The following JARID2 variants were observed in gnomAD, a reference collection of about 807,000 sequenced individuals.
The protein encoded by JARID2 is jumonji and AT-rich interaction domain containing 2, also known as protein Jumonji.
JARID2 carries 21 observed loss-of-function variants against 125.6 expected under a neutral mutation model. The observed-to-expected ratio is 0.17, with a 90% CI of 0.12 to 0.24. JARID2 has a LOEUF of 0.24. JARID2 is among the 10% of genes least tolerant of loss of function. The pLI is 1.00. For synonymous variants in JARID2, 736 were observed against 661.6 expected (o/e 1.11, Z -1.73); for missense variants, 1,303 against 1,639.6 (o/e 0.79, Z 3.55).
At chr6:15,471,468 A>G (rs993421835) in intron 5 of JARID2, among the ~76,000 whole-genome samples, 4 of 152,204 alleles carry the variant, frequency 2.6e-5, no homozygotes, top group African/African-American at 9.6e-5. Flanking sequence ...GCTGTATGAT[A>G]GAAATCTGTT....
At chr6:15,428,931 C>CA (rs1766848746) in intron 3 of JARID2, among the ~76,000 whole-genome samples, 1 of 54,266 alleles carries the variant, frequency 1.8e-5, no homozygotes, top group Non-Finnish European at 4.4e-5. Flanking sequence ...AAAAAACAAA[C>CA]CCCCCCCCCA....
intron 16 of JARID2, among the ~76,000 whole-genome samples, chr6:15,515,827 G>A (rs1176499417): frequency 3.3e-5 from 5 of 151,438 alleles, no homozygotes; most frequent in East Asian, 3.9e-4. Context: ...AGGCTGAGGC[G>A]GGCCAATCAC....
intron 1 of JARID2, among the ~76,000 whole-genome samples, chr6:15,352,378 G>A (rs967583474): frequency 7.2e-5 from 11 of 151,994 alleles, no homozygotes; most frequent in Admixed American, 5.2e-4. Flanking sequence ...TCCTGATAAC[G>A]TGCATTGTCA....
chr6:15,469,278 CTCTCTGTCTCTGTCTCTCTG>C (rs1561884316), intron 5 of JARID2, among the ~76,000 whole-genome samples: 4 of 94,814 alleles, frequency 4.2e-5, no homozygotes, highest in Non-Finnish European at 6.7e-5. Context: ...GTCTCTCTGT[CTCTCTGTCTCTGTCTCTCTG>C]TCTCTGTCTC....
chr6:15,317,033 G>A (rs1023143574), intron 1 of JARID2, among the ~76,000 whole-genome samples: 1 of 152,180 alleles, frequency 6.6e-6, no homozygotes, highest in African/African-American at 2.4e-5. Context: ...TGAATCTTTT[G>A]TAGACAGTCT....
At chr6:15,490,123 T>G (rs941974296) in intron 6 of JARID2, among the ~76,000 whole-genome samples, 3 of 152,228 alleles carry the variant, frequency 2.0e-5, no homozygotes, top group Non-Finnish European at 2.9e-5. Flanking sequence ...GAAAATAAGG[T>G]CAGTAAAAGC....
At chr6:15,474,948 A>G (rs895393920) in intron 5 of JARID2, among the ~76,000 whole-genome samples, 4 of 152,244 alleles carry the variant, frequency 2.6e-5, no homozygotes, top group Non-Finnish European at 5.9e-5. Context: ...AGTTGCTGAA[A>G]GTCAGTAATA....
chr6:15,480,305 C>T (rs1319683030), intron 5 of JARID2, among the ~76,000 whole-genome samples: 1 of 152,104 alleles, frequency 6.6e-6, no homozygotes, highest in African/African-American at 2.4e-5. Context: ...TGTAATGGTC[C>T]TTGTCTGGAT....
intron 3 of JARID2, among the ~76,000 whole-genome samples, chr6:15,438,291 C>T (rs565106672): frequency 5.3e-5 from 8 of 152,226 alleles, no homozygotes; most frequent in East Asian, 1.9e-4. Context: ...TTGAGGCTGG[C>T]GGAATCGGAA....
chr6:15,422,937 G>T (rs1766563605), intron 3 of JARID2, among the ~76,000 whole-genome samples: 1 of 150,308 alleles, frequency 6.7e-6, no homozygotes, highest in Admixed American at 6.6e-5. Context: ...CTTCTCATGG[G>T]TTAGGCCTAC....
In JARID2 at chr6:15,497,163, G is replaced by T. The variant is rs1040352284; in HGVS notation, c.1938G>T (p.Pro646=). The T allele has an allele frequency of 7.8e-6, 12 of 1,545,848 alleles. No homozygotes were observed. The East Asian group carries it at 2.9e-4, about 38-fold the overall frequency. The part of the protein sequence containing the change: ...KSQGITMDEL[P]LIGGCELDLA... ...AGGGCATCACCATGGACGAGCTCCC[G>T]CTCATAGGTAGGTCTGGGCGGGGGG... is the stretch of plus-strand genomic sequence containing the variant. The change falls in exon 7 of 18, where the codon CCG becomes CCT. Residue 646 remains proline (P), a synonymous_variant. Transcript: ENST00000341776.
At chr6:15,433,767 A>T (rs1028328320) in intron 3 of JARID2, among the ~76,000 whole-genome samples, 1 of 152,030 alleles carries the variant, frequency 6.6e-6, no homozygotes, top group Non-Finnish European at 1.5e-5. Flanking sequence ...ATGGGGGGAA[A>T]ATTTGACAGT....
At chr6:15,283,837 C>T (rs1374624139) in intron 1 of JARID2, among the ~76,000 whole-genome samples, 1 of 151,644 alleles carries the variant, frequency 6.6e-6, no homozygotes, top group Non-Finnish European at 1.5e-5. Flanking sequence ...TCCTGAGTAG[C>T]TGGGACTACA....
intron 5 of JARID2, among the ~76,000 whole-genome samples, chr6:15,473,630 G>T (rs1386209655): frequency 6.7e-6 from 1 of 150,060 alleles, no homozygotes; most frequent in Admixed American, 6.8e-5. Flanking sequence ...TGTAGTTTTT[G>T]TGTATATTTA....
intron 6 of JARID2, among the ~76,000 whole-genome samples, chr6:15,491,274 G>A (rs1190652770): frequency 1.3e-5 from 2 of 152,184 alleles, no homozygotes; most frequent in African/African-American, 4.8e-5. Context: ...GAGGTTATAG[G>A]TACATCTAGA....
chr6:15,364,798 G>A (rs1763918072), intron 1 of JARID2, among the ~76,000 whole-genome samples: 2 of 152,214 alleles, frequency 1.3e-5, no homozygotes, highest in Admixed American at 1.3e-4. Flanking sequence ...AACTTCTTGT[G>A]ATGACAGAAC....
At chr6:15,501,592 CTG>C (rs1770739209) in intron 8 of JARID2, among the ~76,000 whole-genome samples, 183 bp downstream of exon 8, 3 of 152,142 alleles carry the variant, frequency 2.0e-5, no homozygotes, top group Non-Finnish European at 2.9e-5. Flanking sequence ...ATACTACAGA[CTG>C]GGGAATTCAT....
intron 6 of JARID2, 52 bp downstream of exon 6, chr6:15,487,594 T>G (rs1769941831): frequency 1.4e-6 from 2 of 1,426,860 alleles, no homozygotes; most frequent in African/African-American, 1.4e-5. Flanking sequence ...GTTTCCCACT[T>G]CACTTCACCA....
At chr6:15,421,456 G>GA (rs931313864) in intron 3 of JARID2, among the ~76,000 whole-genome samples, 5 of 148,066 alleles carry the variant, frequency 3.4e-5, no homozygotes, top group African/African-American at 5.0e-5. Context: ...CTGACTCCAA[G>GA]AAAAAAAATT....
Sources: gnomAD v4.1 joint callset for allele counts (sites outside exome capture counted in the v4.1 genomes callset) on GRCh38, gnomAD v4.1.1 for gene constraint, MANE v1.5 for transcripts, NCBI Gene and HGNC (gene_info 2026-07-23, HGNC 2026-07-21) for gene names.